Variants in SPTBN2 observed in about 807,000 individuals in gnomAD.
SPTBN2 encodes the protein spectrin beta chain, non-erythrocytic 2.
SPTBN2 carries 107 observed loss-of-function variants against 284.2 expected under a neutral mutation model. The observed-to-expected ratio is 0.38, with a 90% CI of 0.32 to 0.44. The LOEUF is 0.44. Ranked by LOEUF, SPTBN2 falls within the 20% of genes least tolerant of loss-of-function variation. The probability of loss-of-function intolerance (pLI) is 1.00; values close to 1 mark genes in which losing one functional copy is unlikely to be tolerated. For missense variants in SPTBN2, 2,569 were observed against 3,287.1 expected (o/e 0.78, Z 5.34); for synonymous variants, 1,289 against 1,354.8 (o/e 0.95, Z 1.07).
Position 66,687,353 on chromosome 11 carries a change from G to A in SPTBN2, c.6722+74C>T. ...CTTTGCCCAGAAGATGTACTCTAAA[G>A]GGCATCCCTCCCTCTATCTGGGCAG... On this transcript the variant is annotated intron_variant, in intron 35 of 37. Transcript: ENST00000533211. This position sits in a 1 kb window ranked among gnomAD's most constrained non-coding sequence, Gnocchi z 5.2. The A allele has an allele frequency of 6.3e-7, 1 of 1,577,376 alleles. No individual in the cohort carries two copies. The highest frequency in any genetic ancestry group is 1.3e-5 in the African/African-American group (1 of 74,558).
rs777004329 is a variant in SPTBN2, at chr11:66,689,922, T to C, written c.5832A>G (p.Leu1944=). The C allele has an allele frequency of 6.2e-7, 1 of 1,613,946 alleles. No individual in the cohort carries two copies. The highest frequency in any genetic ancestry group is 1.1e-5 in the South Asian group (1 of 91,062). The change falls in exon 29 of 38, where the codon CTA becomes CTG. Residue 1944 remains leucine, a synonymous_variant. Transcript: ENST00000533211. ...ERPRDVSSAD[L]VIKNQQGIKA... is the part of the protein sequence containing the mutation. The stretch of plus-strand genomic sequence containing the variant: ...TGATGCCTTGCTGGTTCTTGATGAC[T>C]AGATCCGCGGAGGACACATCCCTGG...
In SPTBN2 at chr11:66,708,222, CA is replaced by C; in HGVS notation, c.1268del (p.Leu423ArgfsTer128). On this transcript the variant is annotated frameshift_variant, in exon 12 of 38. Transcript: ENST00000533211. LOFTEE classifies it high-confidence loss of function. This position sits in a 1 kb window ranked among gnomAD's most constrained non-coding sequence, Gnocchi z 4.4. ...GGTCGAAGCGGGCGGCCAGCTGCTC[CA>C]GCTTCTCCTGGCGGATGAGCTCGGT... ...LRTELIRQEK[L>X]EQLAARFDRK... 1 of 1,611,602 alleles carries C rather than the reference CA, an allele frequency of 6.2e-7. No individual in the cohort carries two copies. Among genetic ancestry groups the C allele is most frequent in the Non-Finnish European group, 8.5e-7 (1 of 1,178,874 alleles).
intron 15 of SPTBN2, 124 bp from the exon 16 acceptor site, chr11:66,701,845 T>A: frequency 7.5e-7 from 1 of 1,325,308 alleles, no homozygotes; most frequent in Non-Finnish European, 1.1e-6. Flanking sequence ...TCTGCAGGAG[T>A]CTCTCTGCCT....
chr11:66,725,233 C>G (rs549062340), intron 1 of SPTBN2, among the ~76,000 whole-genome samples: 1 of 152,332 alleles, frequency 6.6e-6, no homozygotes, highest in Admixed American at 6.5e-5. Flanking sequence ...AACTCCACAG[C>G]CTTCCATGTG....
intron 36 of SPTBN2, 78 bp from the exon 37 acceptor site, chr11:66,686,518 G>T (rs544633105): frequency 2.0e-6 from 3 of 1,513,926 alleles, no homozygotes; most frequent in Non-Finnish European, 2.8e-6. Context: ...GCGTAATCAT[G>T]ACCCAACACC....
intron 8 of SPTBN2, 59 bp from the exon 9 acceptor site, chr11:66,711,088 C>G: frequency 7.0e-7 from 1 of 1,435,154 alleles, no homozygotes; most frequent in Non-Finnish European, 9.8e-7. Context: ...ACTTGCATCA[C>G]TTACCCCAAA....
At chr11:66,741,221 TG>T (rs963334662) in intron 1 of SPTBN2, among the ~76,000 whole-genome samples, 7 of 152,196 alleles carry the variant, frequency 4.6e-5, no homozygotes, top group Admixed American at 4.6e-4. Flanking sequence ...AATTCAATCA[TG>T]GGGGCAGTTT....
intron 1 of SPTBN2, among the ~76,000 whole-genome samples, chr11:66,734,445 CTG>C (rs1942838901): frequency 1.3e-5 from 2 of 152,206 alleles, no homozygotes; most frequent in Admixed American, 1.3e-4. Flanking sequence ...ACTTGGCACT[CTG>C]TGTCCTCACC....
chr11:66,715,728 TCC>T lies in SPTBN2; in HGVS notation c.309+100_309+101del. ...CCTCTGAGCAGAGGGAGCCACTGCT[TCC>T]CGCCCTGTGCCGTCACTCTCTCTGA... On this transcript the variant is annotated intron_variant, in intron 4 of 37. Transcript: ENST00000533211. The surrounding 1 kb of genome is among the most constrained non-coding windows in gnomAD (Gnocchi z 5.3). 6.6e-7 allele frequency: 1 copy of T among 1,512,858 alleles called. No homozygotes were observed. Among genetic ancestry groups the T allele is most frequent in the Non-Finnish European group, 9.0e-7 (1 of 1,115,368 alleles). 93.7% of individuals were successfully genotyped at this position (1,512,858 alleles called of 1,614,324 possible).
chr11:66,702,315 G>A (rs1447755093), intron 15 of SPTBN2, among the ~76,000 whole-genome samples: 4 of 152,068 alleles, frequency 2.6e-5, no homozygotes, highest in East Asian at 1.9e-4. Context: ...ACAGGTGCCC[G>A]CCACCAAGCC....
At chr11:66,714,001 C>A (rs533991769) in intron 7 of SPTBN2, 90 bp downstream of exon 7, 3 of 1,330,696 alleles carry the variant, frequency 2.3e-6, no homozygotes, top group Non-Finnish European at 3.2e-6. Context: ...GACTGCTGTG[C>A]AGCTCATCTC....
At position 66,710,788 on chromosome 11, in the gene SPTBN2, G is replaced by T; in HGVS notation, c.886-19C>A. 6.2e-7 allele frequency: 1 copy of T among 1,613,514 alleles called. No individual in the cohort carries two copies. Among genetic ancestry groups the T allele is most frequent in the Non-Finnish European group, 8.5e-7 (1 of 1,180,012 alleles). On this transcript the variant is annotated intron_variant, in intron 9 of 37. Coordinates refer to ENST00000533211, the MANE Select transcript of SPTBN2 (RefSeq NM_006946.4). The surrounding 1 kb of genome is among the most constrained non-coding windows in gnomAD (Gnocchi z 4.9). ...CCAGCACCTGGGAGGCAGAAGACAG[G>T]GACGTGACAGTCCCAGCCACAGGGT...
Position 66,707,759 on chromosome 11 carries a change from A to C in SPTBN2, c.1410T>G (p.Ile470Met), listed in dbSNP as rs777976094. Residue 470 changes from isoleucine to methionine, a missense_variant, in exon 13 of 38, where the codon ATT becomes ATG. Ile to Met is a conservative substitution (Grantham distance 10). This residue lies in a region of SPTBN2 where 1,012 missense variants were observed against 1,248.9 expected (regional missense o/e 0.81). Transcript: ENST00000533211. This position sits in a 1 kb window ranked among gnomAD's most constrained non-coding sequence, Gnocchi z 4.9. ...CGCTGTAGGCCACGATGTCCGTCTC[A>C]ATGGCTTCGTGCTTCCGTACTGCTG... ...VEAAVRKHEA[I>M]ETDIVAYSGR... The C allele has an allele frequency of 6.2e-7, 1 of 1,608,518 alleles. No homozygotes were observed. Among genetic ancestry groups the C allele is most frequent in the Non-Finnish European group, 8.5e-7 (1 of 1,179,190 alleles).
rs752988228 is a variant in SPTBN2 at position 66,704,757 on chromosome 11, C to T, written c.2519G>A (p.Arg840Gln). 13 of 1,603,648 alleles carry T rather than the reference C, an allele frequency of 8.1e-6. No individual in the cohort carries two copies. The highest frequency in any genetic ancestry group is 6.7e-5 in the East Asian group (3 of 44,530). ...CAAGGCCCGCGCTCGCTCGCCTGCC[C>T]GGGCCTGCAGCTCCTCGTAGTGCCG... ...LERHYEELQA[R>Q]AGERARALEA... Residue 840 changes from arginine (R) to glutamine (Q), a missense_variant, in exon 15 of 38, where the codon CGG becomes CAG. Arg to Gln is a conservative substitution (Grantham distance 43, BLOSUM62 1). Around this residue, in one of 6 missense-constraint regions of SPTBN2, gnomAD observed 1,012 missense variants for 1,248.9 expected, o/e 0.81. Coordinates refer to ENST00000533211, the MANE Select transcript of SPTBN2 (RefSeq NM_006946.4).
intron 15 of SPTBN2, among the ~76,000 whole-genome samples, chr11:66,702,167 ATTTTATG>A (rs1941280735): frequency 1.3e-5 from 2 of 152,242 alleles, no homozygotes; most frequent in African/African-American, 4.8e-5. Flanking sequence ...TTCCAGGGAC[ATTTTATG>A]TTTTGTTTTT....
Position 66,696,292 on chromosome 11 carries a change from C to T in SPTBN2, c.4263G>A (p.Leu1421=), listed in dbSNP as rs1420860525. The stretch of plus-strand genomic sequence containing the variant: ...CACAGCACACCTGCTGCTTCTTGAG[C>T]AGGATGTTGACGCTGGTGAGGTCCT... ...YGKDLTSVNI[L]LKKQQMLEWE... The change falls in exon 21 of 38, where the codon CTG becomes CTA. Residue 1421 remains leucine (L), a synonymous_variant. Transcript: ENST00000533211. The T allele has an allele frequency of 4.3e-6, 7 of 1,612,254 alleles. No individual in the cohort carries two copies. Among genetic ancestry groups the T allele is most frequent in the Non-Finnish European group, 5.1e-6 (6 of 1,180,012 alleles).
intron 1 of SPTBN2, among the ~76,000 whole-genome samples, chr11:66,740,852 A>G (rs1290148338): frequency 6.6e-6 from 1 of 152,164 alleles, no homozygotes; most frequent in Non-Finnish European, 1.5e-5. Flanking sequence ...TCTTTAGGGC[A>G]TTTGAAAGCT....
At chr11:66,722,236 G>A (rs1361876496) in intron 1 of SPTBN2, among the ~76,000 whole-genome samples, 1 of 152,016 alleles carries the variant, frequency 6.6e-6, no homozygotes, top group Non-Finnish European at 1.5e-5. Context: ...TGTGGGGTGA[G>A]GGCCCACTGT....
Position 66,721,079 on chromosome 11 carries a change from C to T in SPTBN2, c.157+5G>A, listed in dbSNP as rs150159444. 1,973 of 1,614,198 alleles carry T rather than the reference C, an allele frequency of 1.2e-3. 3 individuals carry two copies. The highest frequency in any genetic ancestry group is 1.6e-3 in the Non-Finnish European group (1,871 of 1,180,014). ...CCCCCCACCTCGACCCTCCTCTGAC[C>T]TCACCTGCCAGAGCCTTAATGCGAG... On this transcript the variant is annotated splice_donor_5th_base_variant and intron_variant, in intron 3 of 37. Coordinates refer to ENST00000533211, the MANE Select transcript of SPTBN2 (RefSeq NM_006946.4).
Sources: allele counts gnomAD v4.1 joint callset (sites outside exome capture counted in the v4.1 genomes callset), GRCh38; gene constraint gnomAD v4.1.1; regional missense constraint gnomAD v4.1.1; non-coding constraint Gnocchi (gnomAD v3.1); transcripts MANE v1.5; gene names NCBI Gene and HGNC (gene_info 2026-07-23, HGNC 2026-07-21).